The following SYNE2 variants were observed in gnomAD, a reference collection of about 807,000 sequenced individuals.
SYNE2 encodes spectrin repeat containing nuclear envelope protein 2.
Under a neutral mutation model 856.3 loss-of-function variants are expected in SYNE2, and 431 were observed. The ratio of observed to expected loss-of-function variants is 0.50; its 90% CI spans 0.47 to 0.55. The LOEUF (loss-of-function observed/expected upper bound fraction) is 0.55. SYNE2 is among the 20% of genes least tolerant of loss of function. The pLI is 0.00. For synonymous variants in SYNE2, 2,923 were observed against 2,872.3 expected (o/e 1.02, Z -0.56); for missense variants, 8,129 against 8,023.2 (o/e 1.01, Z -0.50).
intron 1 of SYNE2, among the ~76,000 whole-genome samples, chr14:63,814,980 A>ATATCCATATATACATCCATATG: frequency 9.8e-6 from 1 of 102,102 alleles, no homozygotes; most frequent in African/African-American, 3.1e-5. Context: ...CTATCCATAT[A>ATATCCATATATACATCCATATG]TATCCATATA....
At chr14:63,811,071 G>A (rs1395262282) in intron 1 of SYNE2, among the ~76,000 whole-genome samples, 4 of 152,072 alleles carry the variant, frequency 2.6e-5, no homozygotes, top group South Asian at 4.1e-4. Context: ...TCCTGACCTC[G>A]TGATCCGCCC....
At chr14:63,864,527 T>A (rs1237767746) in intron 1 of SYNE2, 1 of 152,260 alleles carries the variant, frequency 6.6e-6, no homozygotes, top group Non-Finnish European at 1.5e-5. Context: ...ATGTGTTTTC[T>A]TAGCAACTGC....
chr14:63,971,120 GT>G lies in SYNE2; in HGVS notation c.1128+3287del, dbSNP rs61322567. On this transcript the variant is annotated intron_variant, in intron 11 of 115. Transcript: ENST00000555002. ...TTACAGTCTACTTAGAGGTTTTTTGGTTTTTTTTTTTTTGAGACAGGGTCTT... is the reference window on the plus strand; with the variant it reads ...TTACAGTCTACTTAGAGGTTTTTTGGTTTTTTTTTTTTGAGACAGGGTCTT... Among the ~76,000 whole-genome samples the G allele has an allele frequency of 6.3e-4, 88 of 140,718 alleles. 1 individual carries two copies. The highest frequency in any genetic ancestry group is 7.2e-3 in the Middle Eastern group (2 of 276). 92.3% of individuals were successfully genotyped at this position (140,718 alleles called of 152,430 possible).
rs144805022 is a variant in SYNE2 at position 64,148,294 on chromosome 14, G to A, written c.15639+2071G>A. ...CATGCCACTGTAGTTCAGCCTGGGT[G>A]ACAAAGCAAGACCCCATCTCTAATA... On this transcript the variant is annotated intron_variant, in intron 84 of 115. Transcript: ENST00000555002. Among the ~76,000 whole-genome samples, 232 of 152,252 alleles carry A rather than the reference G, an allele frequency of 1.5e-3. 1 individual carries two copies. The highest frequency in any genetic ancestry group is 5.4e-3 in the Admixed American group (83 of 15,286).
chr14:64,073,079 T>C (rs1343402524), intron 52 of SYNE2, among the ~76,000 whole-genome samples: 1 of 152,148 alleles, frequency 6.6e-6, no homozygotes, highest in African/African-American at 2.4e-5. Context: ...CCCTGTCTTT[T>C]GGGTTTTTTT....
chr14:64,017,328 C>CAAAAAAAAAAAAAAAA (rs34399201), intron 33 of SYNE2, among the ~76,000 whole-genome samples: 2 of 66,582 alleles, frequency 3.0e-5, no homozygotes, highest in African/African-American at 6.0e-5. Flanking sequence ...GACTCCATCT[C>CAAAAAAAAAAAAAAAA]AAAAAAAAAA....
At chr14:64,030,832 T>C (rs2153545096) in intron 44 of SYNE2, among the ~76,000 whole-genome samples, 184 bp from the exon 45 acceptor site, 1 of 152,334 alleles carries the variant, frequency 6.6e-6, no homozygotes, top group African/African-American at 2.4e-5. Context: ...AAAATACGTA[T>C]TTGAGAATTT....
At chr14:64,165,663 C>T (rs1179056304) in intron 90 of SYNE2, among the ~76,000 whole-genome samples, 6 of 152,132 alleles carry the variant, frequency 3.9e-5, no homozygotes, top group Non-Finnish European at 7.4e-5. Flanking sequence ...CAGACATGTG[C>T]CACCATGTCC....
chr14:64,222,740 A>G (rs1332673767), intron 112 of SYNE2, among the ~76,000 whole-genome samples: 1 of 152,046 alleles, frequency 6.6e-6, no homozygotes. Context: ...AAATAAATAA[A>G]TGAATAGCCA....
intron 1 of SYNE2, among the ~76,000 whole-genome samples, chr14:63,812,198 A>G (rs1888641200): frequency 6.6e-6 from 1 of 152,070 alleles, no homozygotes; most frequent in South Asian, 2.1e-4. Flanking sequence ...ACCTCCCCCC[A>G]GGAATGCATT....
At chr14:63,991,299 T>A (rs1037503668) in intron 21 of SYNE2, among the ~76,000 whole-genome samples, 184 bp downstream of exon 21, 4 of 152,230 alleles carry the variant, frequency 2.6e-5, no homozygotes. Flanking sequence ...AGAATTTTTT[T>A]ATTCAAATTT....
At chr14:63,853,645 A>G (rs1036151345) in intron 1 of SYNE2, among the ~76,000 whole-genome samples, 7 of 151,120 alleles carry the variant, frequency 4.6e-5, no homozygotes, top group African/African-American at 1.7e-4. Context: ...AGATTGCAGG[A>G]TCGTGAGCGG....
intron 31 of SYNE2, among the ~76,000 whole-genome samples, chr14:64,009,119 C>T (rs1164679848): frequency 6.6e-6 from 1 of 152,138 alleles, no homozygotes; most frequent in African/African-American, 2.4e-5. Context: ...GCTAAAGTAA[C>T]TTATCCAGAG....
At chr14:64,208,085 A>C (rs1221359711) in intron 100 of SYNE2, 3 of 455,802 alleles carry the variant, frequency 6.6e-6, no homozygotes, top group Non-Finnish European at 1.3e-5. Context: ...ATTTTTCCCA[A>C]ATTGGGGAAC....
chr14:63,784,427 G>A (rs1349328311), intron 1 of SYNE2, among the ~76,000 whole-genome samples: 2 of 152,104 alleles, frequency 1.3e-5, no homozygotes, highest in Non-Finnish European at 2.9e-5. Flanking sequence ...AACCTGGGAG[G>A]TAGAGGTTGC....
chr14:64,209,935 G>A lies in SYNE2; in HGVS notation c.18541-7G>A, dbSNP rs368396657. 6.9e-5 allele frequency: 112 copies of A among 1,614,004 alleles called. No homozygotes were observed. The highest frequency in any genetic ancestry group is 9.3e-5 in the Non-Finnish European group (110 of 1,180,044). On this transcript the variant is annotated splice_region_variant and splice_polypyrimidine_tract_variant and intron_variant, in intron 102 of 115. Coordinates refer to ENST00000555002, the MANE Select transcript of SYNE2 (RefSeq NM_182914.3). The stretch of plus-strand genomic sequence containing the variant: ...GCTTTGGCTCTGACCCCTCCCATGT[G>A]ATGCAGGCCTTTCAGCGGCAGATTC...
chr14:64,034,107 C>T (rs2097065410), intron 45 of SYNE2, among the ~76,000 whole-genome samples: 1 of 152,136 alleles, frequency 6.6e-6, no homozygotes, highest in African/African-American at 2.4e-5. Context: ...TAATAAAGTA[C>T]ATGTATAATG....
rs555823426 is a variant in SYNE2, at chr14:64,065,178, A to C, written c.10213-254A>C. The stretch of plus-strand genomic sequence containing the variant: ...GCGTCTGGCAAATATTTGCTTTTGA[A>C]AGTATGTTCTTTCTTGGAAAAAAAT... On this transcript the variant is annotated intron_variant, in intron 50 of 115. Transcript: ENST00000555002. Among the ~76,000 whole-genome samples the C allele has an allele frequency of 4.6e-5, 7 of 152,160 alleles. No homozygotes were observed. In the South Asian group the frequency reaches 1.5e-3, roughly 32 times the overall value.
intron 100 of SYNE2, among the ~76,000 whole-genome samples, chr14:64,206,801 G>A (rs1230588357): frequency 1.3e-5 from 2 of 151,452 alleles, no homozygotes; most frequent in East Asian, 3.9e-4. Flanking sequence ...AGCCAGATGA[G>A]GTCATGGGCA....
Sources: allele counts gnomAD v4.1 joint callset (sites outside exome capture counted in the v4.1 genomes callset), GRCh38; gene constraint gnomAD v4.1.1; transcripts MANE v1.5; gene names NCBI Gene and HGNC (gene_info 2026-07-23, HGNC 2026-07-21).